GOLGA6A: variants seen among roughly 807,000 people sequenced by gnomAD.
GOLGA6A encodes the protein golgin subfamily A member 6A.
Under a neutral mutation model 53.6 loss-of-function variants are expected in GOLGA6A, and 1 was observed. The observed-to-expected ratio is 0.02, with a 90% CI of 0.01 to 0.09. The LOEUF is 0.09. Ranked by LOEUF, GOLGA6A falls within the 10% of genes least tolerant of loss-of-function variation. The pLI is 1.00. For synonymous variants in GOLGA6A, 6 were observed against 201.8 expected (o/e 0.03, Z 8.22); for missense variants, 23 against 509.4 (o/e 0.05, Z 9.19).
At chr15:74,076,194 A>G (rs1228891656) in intron 7 of GOLGA6A, among the ~76,000 whole-genome samples, 4 of 145,908 alleles carry the variant, frequency 2.7e-5, no homozygotes, top group Non-Finnish European at 4.5e-5. Flanking sequence ...AGATCAGATA[A>G]TATTGCTATT....
chr15:74,080,860 GTGT>G (rs1408795938), intron 1 of GOLGA6A, 125 bp from the exon 2 acceptor site: 54 of 1,258,994 alleles, frequency 4.3e-5, no homozygotes, highest in Admixed American at 2.3e-4. Context: ...ACTGTACAAG[GTGT>G]TGTCACAATC....
intron 7 of GOLGA6A, among the ~76,000 whole-genome samples, chr15:74,076,275 C>T: frequency 6.9e-6 from 1 of 144,306 alleles, no homozygotes. Context: ...GCTAGCAATC[C>T]CATTTAATCC....
intron 16 of GOLGA6A, 39 bp downstream of exon 16, chr15:74,071,322 CGCCCAT>C: frequency 8.3e-7 from 1 of 1,210,518 alleles, no homozygotes; most frequent in Non-Finnish European, 1.2e-6. Context: ...CCTGCACCAG[CGCCCAT>C]GCCCACCCCC....
chr15:74,076,357 GT>G (rs1275341565), intron 7 of GOLGA6A, among the ~76,000 whole-genome samples: 1 of 128,472 alleles, frequency 7.8e-6, no homozygotes, highest in African/African-American at 3.1e-5. Context: ...AGTGTTCAAG[GT>G]TAAGTGCTTG....
At chr15:74,076,623 TACACACAC>T (rs368556511) in intron 7 of GOLGA6A, among the ~76,000 whole-genome samples, 1 of 140,670 alleles carries the variant, frequency 7.1e-6, no homozygotes, top group African/African-American at 2.6e-5. Context: ...ATTATCATAG[TACACACAC>T]ACACACACAC....
intron 7 of GOLGA6A, among the ~76,000 whole-genome samples, chr15:74,076,327 T>C (rs1391120152): frequency 1.2e-4 from 16 of 136,146 alleles, no homozygotes; most frequent in African/African-American, 4.6e-4. Context: ...TTACCTCTAT[T>C]GTGTAGATGA....
Position 74,074,991 on chromosome 15 carries a change from TGGG to T in GOLGA6A, c.855_857del (p.Pro286del). 1 of 1,573,666 alleles carries T rather than the reference TGGG, an allele frequency of 6.4e-7. No individual in the cohort carries two copies. Among genetic ancestry groups the T allele is most frequent in the Non-Finnish European group, 8.5e-7 (1 of 1,175,164 alleles). On this transcript the variant is annotated inframe_deletion, in exon 11 of 18. Coordinates refer to ENST00000290438, the MANE Select transcript of GOLGA6A (RefSeq NM_001038640.2). ...AGGTCACTGCTGGGGGCGCCAGGGA[TGGG>T]GGCTCAGCTGAGAAATGAAGCAGAC...
intron 7 of GOLGA6A, among the ~76,000 whole-genome samples, 168 bp from the exon 8 acceptor site, chr15:74,076,153 G>T (rs1595931644): frequency 1.3e-5 from 2 of 150,000 alleles, no homozygotes; most frequent in East Asian, 4.0e-4. Flanking sequence ...GAAAGAGATA[G>T]AATTTACAGC....
chr15:74,081,030 TA>T (rs2072000674), intron 1 of GOLGA6A, among the ~76,000 whole-genome samples: 1 of 28,190 alleles, frequency 3.5e-5, no homozygotes, highest in African/African-American at 1.5e-4. Context: ...GGTAGAAAAG[TA>T]AACATTACAT....
rs1174737959 is a variant in GOLGA6A, at chr15:74,070,785, T to TTTG, written c.*122_*124dup. 7.2e-5 allele frequency: 105 copies of TTTG among 1,468,532 alleles called. No homozygotes were observed. Among genetic ancestry groups the TTTG allele is most frequent in the African/African-American group, 6.1e-4 (44 of 71,918 alleles). The allele number at this position is 1,468,532 out of a possible 1,614,324, so 91.0% of individuals were successfully genotyped here. A position where few individuals can be genotyped will look rare whatever the true frequency, so the allele number is the denominator to read the frequency against. ...GTGTAGGAGATGAACCCCGTAACTT[T>TTTG]TTGTTGTTGTTGTTGTTTTAAATTT... On this transcript the variant is annotated 3_prime_UTR_variant, in exon 18 of 18. Transcript: ENST00000290438.
chr15:74,073,972 AC>A (rs2071966433), intron 12 of GOLGA6A, among the ~76,000 whole-genome samples, 175 bp downstream of exon 12: 1 of 26,858 alleles, frequency 3.7e-5, no homozygotes, highest in African/African-American at 1.7e-4. Context: ...AGGGCTACCC[AC>A]CTCTAAAAGT....
At chr15:74,076,452 G>A (rs1160174850) in intron 7 of GOLGA6A, among the ~76,000 whole-genome samples, 2 of 117,116 alleles carry the variant, frequency 1.7e-5, no homozygotes, top group Non-Finnish European at 3.5e-5. Flanking sequence ...TGGGGGTGGG[G>A]ACACAGATAG....
Position 74,075,752 on chromosome 15 carries a change from G to C in GOLGA6A, c.690C>G (p.Asp230Glu). 2 of 1,225,102 alleles carry C rather than the reference G, an allele frequency of 1.6e-6. No individual in the cohort carries two copies. The highest frequency in any genetic ancestry group is 2.6e-5 in the South Asian group (2 of 77,750). 75.9% of individuals were successfully genotyped at this position (1,225,102 alleles called of 1,614,324 possible). A position where few individuals can be genotyped will look rare whatever the true frequency, so the allele number is the denominator to read the frequency against. Reference sequence around the variant, plus strand: ...CTCCTTTTATGTGTTTAGCATATTCGTCTCGCTCTAGCTGGACTTGTTTTA... The same window carrying C: ...CTCCTTTTATGTGTTTAGCATATTCCTCTCGCTCTAGCTGGACTTGTTTTA... ...ESLKQVQLER[D>E]EYAKHIKGER... Residue 230 changes from aspartate to glutamate, a missense_variant, in exon 9 of 18, where the codon GAC (aspartate) becomes GAG (glutamate). Asp to Glu is a conservative substitution (Grantham distance 45). Transcript: ENST00000290438.
intron 3 of GOLGA6A, among the ~76,000 whole-genome samples, chr15:74,078,032 CCCTT>C (rs2071987232): frequency 7.0e-6 from 1 of 143,208 alleles, no homozygotes; most frequent in Non-Finnish European, 1.5e-5. Flanking sequence ...GGAAGGCCCA[CCCTT>C]CTGCCAGCTT....
At chr15:74,072,046 G>A (rs1595930547) in intron 14 of GOLGA6A, among the ~76,000 whole-genome samples, 172 bp downstream of exon 14, 1 of 152,234 alleles carries the variant, frequency 6.6e-6, no homozygotes, top group African/African-American at 2.4e-5. Context: ...CCTTCCCTTG[G>A]GGCCTCAGAG....
At chr15:74,071,338 CA>C in intron 16 of GOLGA6A, 28 bp downstream of exon 16, 1 of 1,139,552 alleles carries the variant, frequency 8.8e-7, no homozygotes, top group Non-Finnish European at 1.3e-6. Context: ...TGCCCACCCC[CA>C]ACCCCGCAGA....
intron 13 of GOLGA6A, 59 bp from the exon 14 acceptor site, chr15:74,072,368 C>A: frequency 6.2e-7 from 1 of 1,609,418 alleles, no homozygotes; most frequent in Non-Finnish European, 8.5e-7. Flanking sequence ...TACTGTGGGC[C>A]CACCTCTGTC....
chr15:74,071,114 C>G lies in GOLGA6A; in HGVS notation c.1954+10G>C. The stretch of plus-strand genomic sequence containing the variant: ...CCTGCCTGCCCACCCCGCCTGAGAG[C>G]TCTACTCACCATCCTGCTCACCGGC... On this transcript the variant is annotated intron_variant, in intron 17 of 17. Coordinates refer to ENST00000290438, the MANE Select transcript of GOLGA6A (RefSeq NM_001038640.2). 6.8e-7 allele frequency: 1 copy of G among 1,460,652 alleles called. No homozygotes were observed. Among genetic ancestry groups the G allele is most frequent in the Non-Finnish European group, 9.3e-7 (1 of 1,076,096 alleles). The allele number at this position is 1,460,652 out of a possible 1,614,324, so 90.5% of individuals were successfully genotyped here. A position where few individuals can be genotyped will look rare whatever the true frequency, so the allele number is the denominator to read the frequency against.
At chr15:74,076,125 A>AT (rs1274072956) in intron 7 of GOLGA6A, 140 bp from the exon 8 acceptor site, 1 of 859,112 alleles carries the variant, frequency 1.2e-6, no homozygotes, top group East Asian at 2.6e-5. Context: ...AGAACTCAGT[A>AT]AAGTTGGAAG....
Sources: allele counts gnomAD v4.1 joint callset (sites outside exome capture counted in the v4.1 genomes callset), GRCh38; gene constraint gnomAD v4.1.1; transcripts MANE v1.5; gene names NCBI Gene and HGNC (gene_info 2026-07-23, HGNC 2026-07-21).